Variants in SEMA5A observed in about 807,000 individuals in gnomAD.
SEMA5A encodes semaphorin-5A.
In SEMA5A, 55 loss-of-function variants were observed where a neutral mutation model predicts 135.5. The observed-to-expected ratio is 0.41, with a 90% CI of 0.33 to 0.51. SEMA5A has a LOEUF of 0.51. SEMA5A is among the 20% of genes least tolerant of loss of function. The pLI is 0.37. For missense variants in SEMA5A, 1,290 were observed against 1,419.9 expected, an observed-to-expected ratio of 0.91 and a Z score of 1.47; for synonymous variants, 580 against 546.5, an observed-to-expected ratio of 1.06 and a Z score of -0.85.
At chr5:9,316,283 T>G (rs1428347731) in intron 5 of SEMA5A, among the ~76,000 whole-genome samples, 1 of 152,206 alleles carries the variant, frequency 6.6e-6, no homozygotes, top group East Asian at 1.9e-4. Context: ...CTTATCTGAG[T>G]TCTCCTTGCC....
intron 1 of SEMA5A, among the ~76,000 whole-genome samples, chr5:9,544,709 C>T (rs1738283161): frequency 6.6e-6 from 1 of 152,176 alleles, no homozygotes; most frequent in African/African-American, 2.4e-5. Context: ...ACTCCGGCCG[C>T]GGCATCCTGG....
chr5:9,344,174 T>A (rs1477452794), intron 3 of SEMA5A, among the ~76,000 whole-genome samples: 2 of 152,230 alleles, frequency 1.3e-5, no homozygotes, highest in African/African-American at 4.8e-5. Flanking sequence ...ATGAGATACT[T>A]TTACATATTA....
intron 3 of SEMA5A, 66 bp from the exon 4 acceptor site, chr5:9,337,878 T>G (rs62342010): frequency 0.057 from 62,331 of 1,097,856 alleles, 2,002 homozygotes; most frequent in Non-Finnish European, 0.067. Flanking sequence ...GGACCACAGA[T>G]AGTGCACATC....
intron 1 of SEMA5A, among the ~76,000 whole-genome samples, chr5:9,513,204 C>T (rs1338579945): frequency 1.3e-5 from 2 of 151,576 alleles, no homozygotes; most frequent in Non-Finnish European, 2.9e-5. Context: ...CACACAATCA[C>T]ATGAATTAAA....
Position 9,122,813 on chromosome 5 carries a change from G to T in SEMA5A, c.1624C>A (p.His542Asn). The T allele has an allele frequency of 6.2e-7, 1 of 1,605,594 alleles. No individual in the cohort carries two copies. The change falls in exon 14 of 23, where the codon CAC becomes AAC. Residue 542 changes from histidine to asparagine, a missense_variant. Coordinates refer to ENST00000382496, the MANE Select transcript of SEMA5A (RefSeq NM_003966.3). ...CPTRNLTVDG[H>N]FGVWSPWTPC... Reference sequence around the variant, plus strand: ...GTCCACGGAGACCACACACCAAAGTGCCCATCCACGGTGAGATTCCTGGTC... The same window carrying T: ...GTCCACGGAGACCACACACCAAAGTTCCCATCCACGGTGAGATTCCTGGTC...
chr5:9,400,839 C>T (rs2126566050), intron 2 of SEMA5A, among the ~76,000 whole-genome samples: 1 of 152,254 alleles, frequency 6.6e-6, no homozygotes, highest in Admixed American at 6.5e-5. Flanking sequence ...AAGAAATCAA[C>T]TCTACAATTA....
At chr5:9,109,027 A>ATTTTTTTTTTTTTTTTTT (rs1305606521) in intron 15 of SEMA5A, among the ~76,000 whole-genome samples, 2 of 118,956 alleles carry the variant, frequency 1.7e-5, no homozygotes, top group Admixed American at 9.5e-5. Context: ...ATTTCTCTTC[A>ATTTTTTTTTTTTTTTTTT]ATTTTTTTTT....
intron 8 of SEMA5A, among the ~76,000 whole-genome samples, chr5:9,221,988 T>C (rs1747027232): frequency 6.6e-6 from 1 of 152,102 alleles, no homozygotes; most frequent in South Asian, 2.1e-4. Flanking sequence ...TCTGTTGCCC[T>C]TTCTACCACA....
At position 9,229,500 on chromosome 5, in the gene SEMA5A, G is replaced by A. The variant is rs1284813475; in HGVS notation, c.334-2533C>T. On this transcript the variant is annotated intron_variant, in intron 6 of 22. Coordinates refer to ENST00000382496, the MANE Select transcript of SEMA5A (RefSeq NM_003966.3). ...AAAGGCAGGCAGAGTGAGGATAAAA[G>A]AAGGAAGCCGATGCCTGTCAGAGGA... Among the ~76,000 whole-genome samples the A allele has an allele frequency of 2.6e-5, 4 of 152,300 alleles. No homozygotes were observed. In the East Asian group the frequency reaches 7.7e-4, roughly 29 times the overall value.
intron 5 of SEMA5A, among the ~76,000 whole-genome samples, chr5:9,257,691 G>C (rs1749151913): frequency 1.3e-5 from 2 of 152,004 alleles, no homozygotes; most frequent in South Asian, 4.1e-4. Flanking sequence ...CTTCCCCTTG[G>C]TCATAAGGCA....
chr5:9,326,483 A>G lies in SEMA5A; in HGVS notation c.225-8066T>C, dbSNP rs187899490. On this transcript the variant is annotated intron_variant, in intron 4 of 22. Coordinates refer to ENST00000382496, the MANE Select transcript of SEMA5A (RefSeq NM_003966.3). ...TGGCCAGGCTGGTCTTGAACTCCTG[A>G]CCTCAGGTGATCCCCCTGCCTGGGC... Among the ~76,000 whole-genome samples the G allele has an allele frequency of 1.3e-3, 202 of 151,686 alleles. 1 individual carries two copies. Among genetic ancestry groups the G allele is most frequent in the African/African-American group, 4.5e-3 (186 of 41,480 alleles).
At chr5:9,265,352 G>A (rs1488977827) in intron 5 of SEMA5A, 2 of 445,690 alleles carry the variant, frequency 4.5e-6, no homozygotes, top group African/African-American at 4.0e-5. Flanking sequence ...TCCATGAGGT[G>A]TGGGCTTCAG....
intron 1 of SEMA5A, among the ~76,000 whole-genome samples, chr5:9,486,185 C>A (rs1231610069): frequency 6.6e-6 from 1 of 152,106 alleles, no homozygotes; most frequent in African/African-American, 2.4e-5. Context: ...AAACGCAACA[C>A]CACATGTTCT....
At chr5:9,431,631 G>A (rs1757860188) in intron 2 of SEMA5A, among the ~76,000 whole-genome samples, 1 of 152,076 alleles carries the variant, frequency 6.6e-6, no homozygotes, top group Admixed American at 6.5e-5. Context: ...GAAACCACAG[G>A]GCAGGAAAAT....
chr5:9,148,812 C>T (rs762099570), intron 12 of SEMA5A, among the ~76,000 whole-genome samples: 41 of 151,484 alleles, frequency 2.7e-4, no homozygotes, highest in Non-Finnish European at 5.0e-4. Flanking sequence ...CTCTGCCTCC[C>T]GGGTTCAAGC....
chr5:9,101,519 T>C (rs1033811341), intron 16 of SEMA5A, among the ~76,000 whole-genome samples: 2 of 152,242 alleles, frequency 1.3e-5, no homozygotes, highest in Non-Finnish European at 2.9e-5. Flanking sequence ...ATGAAGAATA[T>C]TATTTTTATC....
chr5:9,383,142 T>TC (rs1311065201), intron 2 of SEMA5A, among the ~76,000 whole-genome samples: 1 of 152,188 alleles, frequency 6.6e-6, no homozygotes, highest in Non-Finnish European at 1.5e-5. Flanking sequence ...ACATTAAAAC[T>TC]ATGAGTTTCA....
At chr5:9,295,397 T>C (rs1400303036) in intron 5 of SEMA5A, among the ~76,000 whole-genome samples, 1 of 152,142 alleles carries the variant, frequency 6.6e-6, no homozygotes. Flanking sequence ...GTTTGCAAAC[T>C]CCATCTACTT....
intron 8 of SEMA5A, among the ~76,000 whole-genome samples, chr5:9,215,734 G>A (rs1042603993): frequency 5.9e-5 from 9 of 152,006 alleles, no homozygotes; most frequent in Non-Finnish European, 1.0e-4. Flanking sequence ...TGGGTTCAGC[G>A]GTAACATTTT....
Sources: allele counts gnomAD v4.1 joint callset (sites outside exome capture counted in the v4.1 genomes callset), GRCh38; gene constraint gnomAD v4.1.1; transcripts MANE v1.5; gene names NCBI Gene and HGNC (gene_info 2026-07-23, HGNC 2026-07-21).